ARNT2: variants seen among roughly 807,000 people sequenced by gnomAD.
ARNT2 encodes the protein ARNT protein 2.
A neutral mutation model predicts 91.7 loss-of-function variants in ARNT2; 36 were observed. The observed-to-expected ratio is 0.39, with a 90% CI of 0.30 to 0.52. The LOEUF is 0.52. ARNT2 is among the 20% of genes least tolerant of loss of function. The pLI, the probability that ARNT2 is intolerant of heterozygous loss-of-function variation, is 0.72. For synonymous variants in ARNT2, 365 were observed against 347.1 expected (o/e 1.05, Z -0.57); for missense variants, 775 against 939.3 (o/e 0.83, Z 2.29).
intron 12 of ARNT2, among the ~76,000 whole-genome samples, chr15:80,565,125 A>G (rs1420551873): frequency 6.6e-6 from 1 of 151,976 alleles, no homozygotes; most frequent in Non-Finnish European, 1.5e-5. Flanking sequence ...GGGTTTTGCC[A>G]TGTTGCCCAG....
At chr15:80,513,721 C>CAAAAAAAA in intron 6 of ARNT2, among the ~76,000 whole-genome samples, 190 bp from the exon 7 acceptor site, 1 of 100,940 alleles carries the variant, frequency 9.9e-6, no homozygotes, top group Non-Finnish European at 1.9e-5. Context: ...TCTTCAGTCA[C>CAAAAAAAA]AAAAAAAAAA....
chr15:80,459,898 T>C (rs1211455256), intron 3 of ARNT2, among the ~76,000 whole-genome samples: 1 of 152,158 alleles, frequency 6.6e-6, no homozygotes, highest in Non-Finnish European at 1.5e-5. Context: ...GGGCCCTCAG[T>C]GAATGGGCCC....
At chr15:80,539,069 T>C (rs2141447964) in intron 8 of ARNT2, among the ~76,000 whole-genome samples, 1 of 152,124 alleles carries the variant, frequency 6.6e-6, no homozygotes, top group East Asian at 1.9e-4. Context: ...GGCAAAAAAT[T>C]GAGAAAGCTG....
At chr15:80,532,302 C>T (rs1375554180) in intron 8 of ARNT2, among the ~76,000 whole-genome samples, 2 of 152,158 alleles carry the variant, frequency 1.3e-5, no homozygotes, top group Admixed American at 6.5e-5. Context: ...CCAAGCTGCA[C>T]TGCCCCCAGT....
At chr15:80,482,339 C>T (rs939910237) in intron 5 of ARNT2, among the ~76,000 whole-genome samples, 1 of 152,132 alleles carries the variant, frequency 6.6e-6, no homozygotes, top group South Asian at 2.1e-4. Context: ...TGGGCACTGG[C>T]GTTTTGTTAA....
At chr15:80,415,420 A>G (rs892723536) in intron 1 of ARNT2, among the ~76,000 whole-genome samples, 1 of 152,242 alleles carries the variant, frequency 6.6e-6, no homozygotes, top group African/African-American at 2.4e-5. Flanking sequence ...AGAGTCGGCC[A>G]TTTATTAAAT....
At chr15:80,482,886 G>A (rs1055963941) in intron 5 of ARNT2, among the ~76,000 whole-genome samples, 84 of 152,220 alleles carry the variant, frequency 5.5e-4, no homozygotes, top group African/African-American at 1.8e-3. Context: ...GCATGTTAAA[G>A]TTTGAGAACA....
rs1893385381 is a variant in ARNT2, at chr15:80,597,057, G to A, written c.*3359G>A. The A allele has an allele frequency of 2.1e-6, 1 of 479,318 alleles. No homozygotes were observed. The highest frequency in any genetic ancestry group is 4.2e-6 in the Non-Finnish European group (1 of 239,972). The allele number at this position is 479,318 out of a possible 1,614,324, so 29.7% of individuals were successfully genotyped here. A position where few individuals can be genotyped will look rare whatever the true frequency, so the allele number is the denominator to read the frequency against. ...ACGTGAATGTTGCAGAGAGTGGGGG[G>A]ATTCTGGTTGTTAAGGAACTTACAC... On this transcript the variant is annotated 3_prime_UTR_variant, in exon 19 of 19. Transcript: ENST00000303329.
intron 1 of ARNT2, among the ~76,000 whole-genome samples, chr15:80,437,564 A>C (rs1896108200): frequency 6.6e-6 from 1 of 152,128 alleles, no homozygotes; most frequent in East Asian, 1.9e-4. Context: ...AGGGCCTGCC[A>C]CCTCTTTGAA....
At chr15:80,530,587 C>T (rs1471741462) in intron 8 of ARNT2, among the ~76,000 whole-genome samples, 1 of 152,108 alleles carries the variant, frequency 6.6e-6, no homozygotes, top group Non-Finnish European at 1.5e-5. Context: ...TCCCTGGTTG[C>T]CAGGGCTGAT....
At chr15:80,416,399 A>T (rs1895786509) in intron 1 of ARNT2, among the ~76,000 whole-genome samples, 1 of 152,178 alleles carries the variant, frequency 6.6e-6, no homozygotes, top group South Asian at 2.1e-4. Flanking sequence ...TTATTTCCTA[A>T]GAATAAGGAC....
chr15:80,577,412 G>T (rs1175862419), intron 15 of ARNT2, among the ~76,000 whole-genome samples: 3 of 152,238 alleles, frequency 2.0e-5, no homozygotes, highest in Non-Finnish European at 4.4e-5. Flanking sequence ...TTCAGGCAGG[G>T]TGTCCAACCT....
intron 1 of ARNT2, among the ~76,000 whole-genome samples, chr15:80,412,033 C>T (rs1446335): frequency 0.69 from 104,454 of 152,164 alleles, 37,429 homozygotes; most frequent in East Asian, 0.9. Context: ...TCAGCCACCC[C>T]AACAGCATTC....
chr15:80,434,894 G>A (rs1052925436), intron 1 of ARNT2, among the ~76,000 whole-genome samples: 1 of 152,140 alleles, frequency 6.6e-6, no homozygotes, highest in African/African-American at 2.4e-5. Flanking sequence ...CTGAGGTCCT[G>A]GGCGCAGGGT....
intron 1 of ARNT2, among the ~76,000 whole-genome samples, chr15:80,421,398 G>GAAAGA (rs1555454754): frequency 0.43 from 35,562 of 82,032 alleles, 4,621 homozygotes; most frequent in African/African-American, 0.47. Flanking sequence ...TATTGAAATA[G>GAAAGA]AAAGAAAAGA....
chr15:80,563,346 C>G (rs1898406024), intron 12 of ARNT2, 107 bp downstream of exon 12: 3 of 1,383,864 alleles, frequency 2.2e-6, no homozygotes, highest in South Asian at 2.6e-5. Flanking sequence ...CTCCCTGCAG[C>G]TGGAAATCCC....
Position 80,576,908 on chromosome 15 carries a change from A to G in ARNT2, c.1556A>G (p.Gln519Arg). The G allele has an allele frequency of 6.2e-7, 1 of 1,614,128 alleles. No individual in the cohort carries two copies. The highest frequency in any genetic ancestry group is 8.5e-7 in the Non-Finnish European group (1 of 1,180,042). ...MMSSASAAGTQQIYSQGSPFP... is the reference protein window; with the variant it reads ...MMSSASAAGTRQIYSQGSPFP... ...AGCTCAGCCTCTGCAGCAGGAACCCAGCAGATCTACTCCCAAGGAAGCCCA... is the reference window on the plus strand; with the variant it reads ...AGCTCAGCCTCTGCAGCAGGAACCCGGCAGATCTACTCCCAAGGAAGCCCA... Residue 519 changes from glutamine to arginine, a missense_variant, in exon 15 of 19, where the codon CAG becomes CGG. Physicochemically the swap from Gln to Arg is conservative, Grantham distance 43. Around this residue, in one of 5 missense-constraint regions of ARNT2, gnomAD observed 325 missense variants for 359.9 expected, o/e 0.90. Transcript: ENST00000303329.
intron 2 of ARNT2, among the ~76,000 whole-genome samples, chr15:80,452,657 GCT>G (rs1896415437): frequency 1.3e-5 from 2 of 152,320 alleles, no homozygotes; most frequent in South Asian, 4.1e-4. Flanking sequence ...CCAGCACAGG[GCT>G]CTGTGAGGAG....
intron 1 of ARNT2, among the ~76,000 whole-genome samples, chr15:80,426,811 C>G (rs1281578503): frequency 6.6e-6 from 1 of 152,186 alleles, no homozygotes; most frequent in Non-Finnish European, 1.5e-5. Flanking sequence ...TCTCACTCTT[C>G]AGAGGCTGGG....
Sources: allele counts gnomAD v4.1 joint callset (sites outside exome capture counted in the v4.1 genomes callset), GRCh38; gene constraint gnomAD v4.1.1; regional missense constraint gnomAD v4.1.1; transcripts MANE v1.5; gene names NCBI Gene and HGNC (gene_info 2026-07-23, HGNC 2026-07-21).